ANKS1B: variants seen among roughly 807,000 people sequenced by gnomAD.
ANKS1B encodes the protein ankyrin repeat and sterile alpha motif domain-containing protein 1B.
Under a neutral mutation model 148.3 loss-of-function variants are expected in ANKS1B, and 36 were observed. The ratio of observed to expected loss-of-function variants is 0.24; its 90% confidence interval spans 0.19 to 0.32. The LOEUF (loss-of-function observed/expected upper bound fraction) is 0.32, where lower values mean the gene tolerates loss of function less well. Ranked by LOEUF, ANKS1B falls within the 10% of genes least tolerant of loss-of-function variation. The pLI is 1.00. For missense variants in ANKS1B, 1,157 were observed against 1,542.6 expected (o/e 0.75, Z 4.19); for synonymous variants, 542 against 560.8 (o/e 0.97, Z 0.47).
intron 10 of ANKS1B, among the ~76,000 whole-genome samples, chr12:99,456,851 G>A (rs2095855697): frequency 6.6e-6 from 1 of 152,076 alleles, no homozygotes; most frequent in African/African-American, 2.4e-5. Flanking sequence ...ACATATTTGA[G>A]GGAATAATAG....
chr12:99,847,607 T>C lies in ANKS1B; in HGVS notation c.135-22218A>G, dbSNP rs184098108. On this transcript the variant is annotated intron_variant, in intron 1 of 26. Coordinates refer to ENST00000683438, the MANE Select transcript of ANKS1B (RefSeq NM_001352186.2). ...ACCATTAAGTCATTCCCTTTTTGTC[T>C]AATCACATTCCTATGTGGCCGTCCA... Among the ~76,000 whole-genome samples, 8 of 152,340 alleles carry C rather than the reference T, an allele frequency of 5.3e-5. No individual in the cohort carries two copies. In the East Asian group the frequency reaches 1.3e-3, roughly 26 times the overall value.
intron 17 of ANKS1B, among the ~76,000 whole-genome samples, chr12:99,023,889 A>C (rs904372952): frequency 6.7e-6 from 1 of 149,510 alleles, no homozygotes; most frequent in African/African-American, 2.4e-5. Context: ...ATTTATATGC[A>C]TATTGCCTGT....
intron 12 of ANKS1B, among the ~76,000 whole-genome samples, chr12:99,394,434 C>T (rs1179003650): frequency 1.3e-5 from 2 of 152,106 alleles, no homozygotes; most frequent in African/African-American, 4.8e-5. Context: ...TCTATCATTA[C>T]TCTAAGTCCT....
chr12:99,111,964 C>T (rs987591498), intron 15 of ANKS1B, among the ~76,000 whole-genome samples: 1 of 152,150 alleles, frequency 6.6e-6, no homozygotes, highest in African/African-American at 2.4e-5. Context: ...CAATTACAGC[C>T]TTAAACTTCT....
At chr12:98,916,521 A>T (rs78753242) in intron 17 of ANKS1B, among the ~76,000 whole-genome samples, 1 of 152,268 alleles carries the variant, frequency 6.6e-6, no homozygotes, top group African/African-American at 2.4e-5. Context: ...ATGTTAAGAC[A>T]GTTAACAGAC....
At chr12:98,775,058 G>T (rs1422168774) in intron 24 of ANKS1B, among the ~76,000 whole-genome samples, 1 of 152,176 alleles carries the variant, frequency 6.6e-6, no homozygotes, top group Admixed American at 6.5e-5. Context: ...ATGTGAGATG[G>T]TGTGGGAACC....
chr12:99,669,083 T>C (rs1416592920), intron 8 of ANKS1B, among the ~76,000 whole-genome samples: 1 of 152,208 alleles, frequency 6.6e-6, no homozygotes, highest in Non-Finnish European at 1.5e-5. Flanking sequence ...TTCTCTCATA[T>C]ACAAATTCTA....
At chr12:99,790,151 C>T (rs1248247946) in intron 4 of ANKS1B, among the ~76,000 whole-genome samples, 1 of 152,070 alleles carries the variant, frequency 6.6e-6, no homozygotes, top group African/African-American at 2.4e-5. Context: ...AATGGAGCTC[C>T]AATATATCTG....
chr12:99,913,558 G>A (rs1461035331), intron 1 of ANKS1B, among the ~76,000 whole-genome samples: 2 of 152,132 alleles, frequency 1.3e-5, no homozygotes, highest in Non-Finnish European at 2.9e-5. Context: ...GCAAATAATG[G>A]TGTAGTAAAT....
chr12:99,019,813 C>G (rs2099944706), intron 17 of ANKS1B, among the ~76,000 whole-genome samples: 1 of 152,030 alleles, frequency 6.6e-6, no homozygotes, highest in South Asian at 2.1e-4. Flanking sequence ...TTCAAATGAC[C>G]ACTGCTCAGT....
intron 12 of ANKS1B, among the ~76,000 whole-genome samples, chr12:99,293,353 G>A (rs1007471718): frequency 1.3e-5 from 2 of 151,918 alleles, no homozygotes; most frequent in African/African-American, 4.8e-5. Context: ...GCCTGTCGGG[G>A]GGTGGGGGCT....
In ANKS1B at chr12:98,830,497, C is replaced by T. The variant is rs566049582; in HGVS notation, c.2887-1144G>A. 9.3e-4 allele frequency among the ~76,000 whole-genome samples: 141 copies of T among 152,286 alleles called. 4 individuals carry two copies. The South Asian group carries it at 0.018, about 20-fold the overall frequency. On this transcript the variant is annotated intron_variant, in intron 18 of 26. Transcript: ENST00000683438. ...ATCCCCTGAAATCCTTGCGCATTTT[C>T]CTCTCCAAAGCTGAATCAACTCCAA...
chr12:99,971,141 A>ATG (rs1185554230), intron 1 of ANKS1B, among the ~76,000 whole-genome samples: 1 of 152,086 alleles, frequency 6.6e-6, no homozygotes, highest in Non-Finnish European at 1.5e-5. Flanking sequence ...TAATATATAC[A>ATG]TATATATATA....
At chr12:99,649,671 G>T (rs556294349) in intron 9 of ANKS1B, 3 of 361,862 alleles carry the variant, frequency 8.3e-6, no homozygotes, top group Non-Finnish European at 1.5e-5. Context: ...TTATAGCAAG[G>T]GCTGCATGCA....
At chr12:99,418,010 T>C (rs11834949) in intron 11 of ANKS1B, among the ~76,000 whole-genome samples, 7,686 of 152,158 alleles carry the variant, frequency 0.051, 660 homozygotes, top group African/African-American at 0.17. Context: ...GAGAGAGAAA[T>C]AGTAACTTTC....
In ANKS1B at chr12:98,982,784, A is replaced by G. The variant is rs1015438197; in HGVS notation, c.2778+70373T>C. ...ATGGAATTCTATTGTATGAATATACATAATTCATTTTACCGTTGTTGAATT... is the reference window on the plus strand; with the variant it reads ...ATGGAATTCTATTGTATGAATATACGTAATTCATTTTACCGTTGTTGAATT... On this transcript the variant is annotated intron_variant, in intron 17 of 26. Transcript: ENST00000683438. Among the ~76,000 whole-genome samples, 33 of 152,224 alleles carry G rather than the reference A, an allele frequency of 2.2e-4. 1 individual carries two copies. Among genetic ancestry groups the G allele is most frequent in the African/African-American group, 8.0e-4 (33 of 41,458 alleles).
chr12:99,021,624 T>G lies in ANKS1B; in HGVS notation c.2778+31533A>C, dbSNP rs369321409. On this transcript the variant is annotated intron_variant, in intron 17 of 26. Coordinates refer to ENST00000683438, the MANE Select transcript of ANKS1B (RefSeq NM_001352186.2). ...ATGACTTTCACCTTGGGAAAGAACTTTGAAATGAGGAAAACAAAATTGCCC... is the reference window on the plus strand; with the variant it reads ...ATGACTTTCACCTTGGGAAAGAACTGTGAAATGAGGAAAACAAAATTGCCC... 7.6e-4 allele frequency among the ~76,000 whole-genome samples: 116 copies of G among 152,270 alleles called. 1 individual carries two copies. The highest frequency in any genetic ancestry group is 2.7e-3 in the African/African-American group (114 of 41,552).
chr12:99,568,762 T>G (rs1260729728), intron 9 of ANKS1B, among the ~76,000 whole-genome samples: 1 of 152,174 alleles, frequency 6.6e-6, no homozygotes, highest in Non-Finnish European at 1.5e-5. Flanking sequence ...AATTTATCCT[T>G]GCAATTGTCA....
At chr12:98,867,304 A>G (rs765217988) in intron 17 of ANKS1B, among the ~76,000 whole-genome samples, 6 of 152,224 alleles carry the variant, frequency 3.9e-5, no homozygotes, top group Non-Finnish European at 8.8e-5. Flanking sequence ...TTTGTACTTT[A>G]GTCCAGACAG....
Sources: allele counts gnomAD v4.1 joint callset (sites outside exome capture counted in the v4.1 genomes callset), GRCh38; gene constraint gnomAD v4.1.1; transcripts MANE v1.5; gene names NCBI Gene and HGNC (gene_info 2026-07-23, HGNC 2026-07-21).